SETD2: variants seen among roughly 807,000 people sequenced by gnomAD.
The protein encoded by SETD2 is histone-lysine N-methyltransferase SETD2.
Under a neutral mutation model 242.1 loss-of-function variants are expected in SETD2, and 31 were observed. The ratio of observed to expected loss-of-function variants is 0.13; its 90% CI spans 0.10 to 0.17. SETD2 has a LOEUF of 0.17. Among genes scored for constraint, SETD2 ranks in the 10% least tolerant of loss-of-function variants. SETD2 has a pLI of 1.00. For synonymous variants in SETD2, 1,006 were observed against 1,066.5 expected (o/e 0.94, Z 1.11); for missense variants, 2,481 against 3,046.3 (o/e 0.81, Z 4.37).
At chr3:47,037,456 T>C (rs910228008) in intron 18 of SETD2, among the ~76,000 whole-genome samples, 1 of 152,002 alleles carries the variant, frequency 6.6e-6, no homozygotes, top group African/African-American at 2.4e-5. Context: ...ACAAAGGACA[T>C]GAACTCATCA....
chr3:47,062,120 CAAAACAAAAACA>C (rs764298197), intron 14 of SETD2, 31 bp downstream of exon 14: 16 of 1,583,392 alleles, frequency 1.0e-5, no homozygotes, highest in African/African-American at 1.4e-5. Context: ...TTAACTTGCT[CAAAACAAAAACA>C]AAAACAAAAA....
chr3:47,066,266 T>C (rs1170340732), intron 13 of SETD2, among the ~76,000 whole-genome samples: 2 of 152,240 alleles, frequency 1.3e-5, no homozygotes, highest in Non-Finnish European at 2.9e-5. Context: ...TCAAAAGTTA[T>C]GTGGAATTTC....
intron 1 of SETD2, among the ~76,000 whole-genome samples, chr3:47,163,115 T>C (rs1697548035): frequency 6.6e-6 from 1 of 152,030 alleles, no homozygotes; most frequent in East Asian, 1.9e-4. Context: ...TGCAAGAAAA[T>C]GTATGTCCCT....
intron 1 of SETD2, among the ~76,000 whole-genome samples, chr3:47,155,225 A>G (rs2044100302): frequency 6.6e-6 from 1 of 152,156 alleles, no homozygotes; most frequent in African/African-American, 2.4e-5. Flanking sequence ...ATCAGGTAAT[A>G]GTAGGGTTAC....
chr3:47,134,146 TCCTGCTGC>T (rs1207950880), intron 1 of SETD2, among the ~76,000 whole-genome samples: 2 of 152,138 alleles, frequency 1.3e-5, no homozygotes, highest in Non-Finnish European at 2.9e-5. Flanking sequence ...ATTTCATTGC[TCCTGCTGC>T]CCCATCCTAC....
In SETD2 at chr3:47,120,995, T is replaced by C. The variant is rs2107748356; in HGVS notation, c.3641A>G (p.Asn1214Ser). ...GAAAGTGGTCTGTTGCCAAGACTTA[T>C]TTGGGACATCTTCAAAATCAGAAGA... Reference protein sequence around the residue: ...IYSSDFEDVPNKSWQQTTFQN... With the variant: ...IYSSDFEDVPSKSWQQTTFQN... Residue 1214 changes from asparagine to serine, a missense_variant, in exon 3 of 21, where the codon AAT (asparagine) becomes AGT (serine). Coordinates refer to ENST00000409792, the MANE Select transcript of SETD2 (RefSeq NM_014159.7). The C allele has an allele frequency of 1.9e-6, 3 of 1,614,218 alleles. No individual in the cohort carries two copies. The highest frequency in any genetic ancestry group is 2.5e-6 in the Non-Finnish European group (3 of 1,180,018).
At chr3:47,074,858 G>A (rs897534357) in intron 12 of SETD2, among the ~76,000 whole-genome samples, 8 of 152,128 alleles carry the variant, frequency 5.3e-5, no homozygotes, top group East Asian at 1.9e-4. Context: ...GCAGTAGGCC[G>A]GGAACGGTGG....
At position 47,121,536 on chromosome 3, in the gene SETD2, C is replaced by T. The variant is rs2106653455; in HGVS notation, c.3100G>A (p.Val1034Ile). Reference sequence around the variant, plus strand: ...GAAGAGCCAGAATAATCTTCATGAACTGTAGACACAATTTCTGGGGCATGA... The same window carrying T: ...GAAGAGCCAGAATAATCTTCATGAATTGTAGACACAATTTCTGGGGCATGA... ...SGHAPEIVST[V>I]HEDYSGSSES... Residue 1034 changes from valine to isoleucine, a missense_variant, in exon 3 of 21, where the codon GTT becomes ATT. Physicochemically the swap from Val to Ile is conservative, Grantham distance 29. This residue lies in a region of SETD2 where 1,300 missense variants were observed against 1,259.2 expected (regional missense o/e 1.03). Coordinates refer to ENST00000409792, the MANE Select transcript of SETD2 (RefSeq NM_014159.7). The T allele has an allele frequency of 1.9e-6, 3 of 1,614,136 alleles. No individual in the cohort carries two copies. The highest frequency in any genetic ancestry group is 2.5e-6 in the Non-Finnish European group (3 of 1,180,002).
intron 2 of SETD2, among the ~76,000 whole-genome samples, chr3:47,124,880 C>A (rs2106733069): frequency 6.6e-6 from 1 of 152,214 alleles, no homozygotes; most frequent in African/African-American, 2.4e-5. Context: ...AAAAACCTGA[C>A]ATATGTTTGA....
rs552336961 is a variant in SETD2, at chr3:47,080,550, T to A, written c.6060+3170A>T. Reference sequence around the variant, plus strand: ...ACTGGTAACCAGCTGTTTTGCCCTATGAAGTCTAGGGTATATTTTCAGCAT... The same window carrying A: ...ACTGGTAACCAGCTGTTTTGCCCTAAGAAGTCTAGGGTATATTTTCAGCAT... On this transcript the variant is annotated intron_variant, in intron 12 of 20. Transcript: ENST00000409792. 2.6e-5 allele frequency among the ~76,000 whole-genome samples: 4 copies of A among 152,268 alleles called. No homozygotes were observed. The South Asian group carries it at 8.3e-4, about 32-fold the overall frequency.
At chr3:47,125,333 T>A (rs1454831143) in intron 2 of SETD2, among the ~76,000 whole-genome samples, 1 of 88,648 alleles carries the variant, frequency 1.1e-5, no homozygotes, top group Admixed American at 1.2e-4. Context: ...AAATAAAAAA[T>A]TTAAAAATTA....
At chr3:47,139,103 TTTTC>T (rs1254370932) in intron 1 of SETD2, among the ~76,000 whole-genome samples, 1 of 152,024 alleles carries the variant, frequency 6.6e-6, no homozygotes, top group Non-Finnish European at 1.5e-5. Flanking sequence ...AGCTGGCTAA[TTTTC>T]TTTAACTTTT....
In SETD2 at chr3:47,046,620, C is replaced by T. The variant is rs2107549888; in HGVS notation, c.6965G>A (p.Ser2322Asn). The change falls in exon 16 of 21, where the codon AGT becomes AAT. Residue 2322 changes from serine (S) to asparagine (N), a missense_variant and splice_region_variant. Around this residue, in one of 17 missense-constraint regions of SETD2, gnomAD observed 235 missense variants for 293.9 expected, o/e 0.80. Transcript: ENST00000409792. The part of the protein sequence containing the change: ...YSQTTPPIVQ[S>N]YAQPSLQYIQ... ...ATACTGAAGACTTGGCTGGGCATAA[C>T]TCTAAAAGATAAAATGAAGAAATCA... 3.7e-6 allele frequency: 6 copies of T among 1,604,754 alleles called. No homozygotes were observed. Among genetic ancestry groups the T allele is most frequent in the African/African-American group, 1.3e-5 (1 of 74,652 alleles).
chr3:47,030,894 A>G (rs951004863), intron 18 of SETD2, among the ~76,000 whole-genome samples: 1 of 152,196 alleles, frequency 6.6e-6, no homozygotes, highest in East Asian at 1.9e-4. Flanking sequence ...ACTGCGGCGC[A>G]CTCAGACATT....
chr3:47,121,429 A>C lies in SETD2; in HGVS notation c.3207T>G (p.Val1069=). ...AAGTAGAATTCTTTGGCACAACCACAACAGACTGGAGACGGTTTCTTGGAA... is the reference window on the plus strand; with the variant it reads ...AAGTAGAATTCTTTGGCACAACCACCACAGACTGGAGACGGTTTCTTGGAA... ...SSIPRNRLQS[V]VVVPKNSTLP... Residue 1069 remains valine (V), a synonymous_variant, in exon 3 of 21, where the codon GTT becomes GTG. Coordinates refer to ENST00000409792, the MANE Select transcript of SETD2 (RefSeq NM_014159.7). 3 of 1,611,904 alleles carry C rather than the reference A, an allele frequency of 1.9e-6. No homozygotes were observed. Among genetic ancestry groups the C allele is most frequent in the Admixed American group, 1.7e-5 (1 of 60,018 alleles).
At chr3:47,053,019 A>G (rs1053055314) in intron 15 of SETD2, among the ~76,000 whole-genome samples, 1 of 151,772 alleles carries the variant, frequency 6.6e-6, no homozygotes, top group Non-Finnish European at 1.5e-5. Flanking sequence ...CCTCCCCAGT[A>G]GCTGGTATTA....
chr3:47,122,184 T>C lies in SETD2; in HGVS notation c.2452A>G (p.Lys818Glu), dbSNP rs772334379. ...TTCATAAAGCTATTTGAAGAAATCTTCATAACTGAAGGCTCAATATTTTCA... is the reference window on the plus strand; with the variant it reads ...TTCATAAAGCTATTTGAAGAAATCTCCATAACTGAAGGCTCAATATTTTCA... The part of the protein sequence containing the change: ...EAENIEPSVM[K>E]ISSNSFMNVH... The change falls in exon 3 of 21, where the codon AAG (lysine) becomes GAG (glutamate). Residue 818 changes from lysine to glutamate, a missense_variant. Coordinates refer to ENST00000409792, the MANE Select transcript of SETD2 (RefSeq NM_014159.7). 6.2e-7 allele frequency: 1 copy of C among 1,614,092 alleles called. No individual in the cohort carries two copies. Among genetic ancestry groups the C allele is most frequent in the Admixed American group, 1.7e-5 (1 of 60,020 alleles).
Position 47,023,406 on chromosome 3 carries a change from G to GA in SETD2, c.7351-3567dup, listed in dbSNP as rs559186770. Among the ~76,000 whole-genome samples the GA allele has an allele frequency of 4.7e-3, 697 of 147,230 alleles. 4 individuals carry two copies. Among genetic ancestry groups the GA allele is most frequent in the Non-Finnish European group, 5.9e-3 (394 of 66,340 alleles). On this transcript the variant is annotated intron_variant, in intron 18 of 20. Transcript: ENST00000409792. ...CAGAGCGAGACTCTGTCTCAAAAAA[G>GA]AAAAAAAAAATACTGTTTAGAACAT... is the stretch of plus-strand genomic sequence containing the variant.
intron 18 of SETD2, among the ~76,000 whole-genome samples, chr3:47,036,905 T>TTAAAAAAAAAAAAA (rs756624187): frequency 5.1e-5 from 6 of 117,888 alleles, no homozygotes; most frequent in East Asian, 2.6e-4. Flanking sequence ...CCGTCTCATT[T>TTAAAAAAAAAAAAA]AAAAAAAAAA....
Sources: gnomAD v4.1 joint callset for allele counts (sites outside exome capture counted in the v4.1 genomes callset) on GRCh38, gnomAD v4.1.1 for gene constraint, gnomAD v4.1.1 regional missense constraint, MANE v1.5 for transcripts, NCBI Gene and HGNC (gene_info 2026-07-23, HGNC 2026-07-21) for gene names.